The following PDE6C variants were observed in gnomAD, a reference collection of about 807,000 sequenced individuals.
The protein encoded by PDE6C is phosphodiesterase 6C, also known as cone cGMP-specific 3',5'-cyclic phosphodiesterase subunit alpha'.
In PDE6C, 75 loss-of-function variants were observed where a neutral mutation model predicts 113.1. That is an observed-to-expected ratio of 0.66 (90% CI 0.55 to 0.80). The LOEUF (loss-of-function observed/expected upper bound fraction) is 0.80. Ranked by LOEUF, PDE6C falls within the 30% of genes least tolerant of loss-of-function variation. The pLI is 0.00. For missense variants in PDE6C, 912 were observed against 1,038.6 expected, an observed-to-expected ratio of 0.88 and a Z score of 1.67; for synonymous variants, 375 against 363.7, an observed-to-expected ratio of 1.03 and a Z score of -0.35.
intron 4 of PDE6C, among the ~76,000 whole-genome samples, chr10:93,623,550 C>T (rs2058458709): frequency 6.6e-6 from 1 of 152,162 alleles, no homozygotes; most frequent in South Asian, 2.1e-4. Context: ...CCAAGTTCAC[C>T]TAGATCTTCT....
chr10:93,659,035 C>T (rs915447142), intron 17 of PDE6C, 27 bp downstream of exon 17: 1 of 1,576,762 alleles, frequency 6.3e-7, no homozygotes, highest in Non-Finnish European at 8.7e-7. Flanking sequence ...GTATTTCTCT[C>T]TTGTTTTTTG....
Position 93,612,750 on chromosome 10 carries a change from G to A in PDE6C, c.25G>A (p.Val9Met), listed in dbSNP as rs750739971. The change falls in exon 1 of 22, where the codon GTG becomes ATG. Residue 9 changes from valine (V) to methionine (M), a missense_variant. Val to Met is a conservative substitution (Grantham distance 21). Coordinates refer to ENST00000371447, the MANE Select transcript of PDE6C (RefSeq NM_006204.4). ...CATGGGTGAGATCAACCAAGTTGCC[G>A]TGGAGAAATACCTGGAGGAGAACCC... MGEINQVA[V>M]EKYLEENPQF... The A allele has an allele frequency of 1.9e-5, 31 of 1,613,954 alleles. No homozygotes were observed. The highest frequency in any genetic ancestry group is 1.5e-4 in the South Asian group (14 of 91,082).
chr10:93,639,934 C>T (rs956001690), intron 11 of PDE6C, 136 bp from the exon 12 acceptor site: 28 of 878,364 alleles, frequency 3.2e-5, no homozygotes, highest in Admixed American at 7.3e-5. Flanking sequence ...CATCCAGTGC[C>T]TGGCACATGG....
chr10:93,615,817 G>C (rs1437684590), intron 1 of PDE6C, among the ~76,000 whole-genome samples: 1 of 152,210 alleles, frequency 6.6e-6, no homozygotes, highest in African/African-American at 2.4e-5. Flanking sequence ...ATTAGAGATG[G>C]AAGGGGCTTA....
intron 10 of PDE6C, among the ~76,000 whole-genome samples, chr10:93,636,371 T>TGG (rs1362581611): frequency 3.6e-5 from 5 of 140,016 alleles, no homozygotes; most frequent in Non-Finnish European, 7.5e-5. Context: ...CCTGGCTTTG[T>TGG]GTGTGTGTGT....
At chr10:93,643,882 T>C (rs2058571107) in intron 14 of PDE6C, among the ~76,000 whole-genome samples, 3 of 152,162 alleles carry the variant, frequency 2.0e-5, no homozygotes. Flanking sequence ...TTAAAAATTT[T>C]CCAATTACCA....
rs754338950 is a variant in PDE6C, at chr10:93,612,688, C to T, written c.-38C>T. The T allele has an allele frequency of 1.6e-5, 25 of 1,612,294 alleles. No homozygotes were observed. The highest frequency in any genetic ancestry group is 4.5e-5 in the East Asian group (2 of 44,878). On this transcript the variant is annotated 5_prime_UTR_variant, in exon 1 of 22. Coordinates refer to ENST00000371447, the MANE Select transcript of PDE6C (RefSeq NM_006204.4). ...CTGCCTCAGGTAGTGCTCTGAAGGT[C>T]GTCCTTTCTGAACAAACGCAGCAAA...
chr10:93,655,675 T>C (rs911264319), intron 15 of PDE6C, 85 bp from the exon 16 acceptor site: 1 of 772,740 alleles, frequency 1.3e-6, no homozygotes, highest in Non-Finnish European at 2.3e-6. Flanking sequence ...TGAAAGACTT[T>C]TAGATTTTCT....
At chr10:93,654,804 TTCTTTC>T (rs1564804855) in intron 15 of PDE6C, among the ~76,000 whole-genome samples, 3 of 83,694 alleles carry the variant, frequency 3.6e-5, no homozygotes, top group Non-Finnish European at 5.2e-5. Flanking sequence ...CTTTCTTTCT[TTCTTTC>T]TTTTTTTTTT....
In PDE6C at chr10:93,665,616, A is replaced by AAAT; in HGVS notation, c.*200_*202dup. 1.7e-6 allele frequency: 1 copy of AAAT among 573,894 alleles called. No individual in the cohort carries two copies. The highest frequency in any genetic ancestry group is 3.1e-6 in the Non-Finnish European group (1 of 323,014). 35.6% of individuals were successfully genotyped at this position (573,894 alleles called of 1,614,324 possible). ...TCAACAAAAGTGCAAAATATGACAA[A>AAAT]AATAGGTACATTTTTGGTGCCAATT... is the stretch of plus-strand genomic sequence containing the variant. On this transcript the variant is annotated 3_prime_UTR_variant, in exon 22 of 22. Transcript: ENST00000371447.
At chr10:93,637,189 G>T in intron 11 of PDE6C, 126 bp downstream of exon 11, 1 of 658,886 alleles carries the variant, frequency 1.5e-6, no homozygotes. Context: ...TATTTCTCAA[G>T]GCTAAAAAGA....
chr10:93,651,532 G>A (rs2058609599), intron 15 of PDE6C, among the ~76,000 whole-genome samples: 1 of 152,176 alleles, frequency 6.6e-6, no homozygotes, highest in Non-Finnish European at 1.5e-5. Context: ...CATGAGAACA[G>A]CGTGGGAGAA....
At chr10:93,644,822 C>CTA (rs2058575762) in intron 14 of PDE6C, among the ~76,000 whole-genome samples, 1 of 140,806 alleles carries the variant, frequency 7.1e-6, no homozygotes, top group African/African-American at 2.6e-5. Context: ...GTATATAGTA[C>CTA]TATATATATA....
chr10:93,635,701 C>T, intron 10 of PDE6C, 61 bp downstream of exon 10: 5 of 1,530,958 alleles, frequency 3.3e-6, no homozygotes, highest in Non-Finnish European at 4.5e-6. Context: ...TTCTAGAAGT[C>T]ATCTAATTAC....
intron 11 of PDE6C, 116 bp from the exon 12 acceptor site, chr10:93,639,954 G>GAATC (rs2058551004): frequency 4.7e-6 from 5 of 1,058,668 alleles, no homozygotes; most frequent in African/African-American, 1.6e-5. Flanking sequence ...GTGGTTCAGT[G>GAATC]AATCACACAT....
intron 17 of PDE6C, 21 bp downstream of exon 17, chr10:93,659,029 TTCTC>T (rs762796270): frequency 6.4e-7 from 1 of 1,574,792 alleles, no homozygotes; most frequent in South Asian, 1.1e-5. Context: ...GAAATTGTAT[TTCTC>T]TCTTGTTTTT....
intron 14 of PDE6C, 93 bp downstream of exon 14, chr10:93,641,122 G>A: frequency 1.3e-6 from 1 of 768,648 alleles, no homozygotes; most frequent in Non-Finnish European, 2.3e-6. Flanking sequence ...CCTTGGCCCA[G>A]TCAATGCCTC....
intron 15 of PDE6C, among the ~76,000 whole-genome samples, chr10:93,648,850 G>T (rs1287093238): frequency 1.3e-5 from 2 of 152,196 alleles, no homozygotes; most frequent in Non-Finnish European, 2.9e-5. Context: ...TCTTTCCAAA[G>T]CGTATGATAA....
chr10:93,653,683 A>AAAAAC lies in PDE6C; in HGVS notation c.1936-2074_1936-2073insACAAA, dbSNP rs1564804396. On this transcript the variant is annotated intron_variant, in intron 15 of 21. Coordinates refer to ENST00000371447, the MANE Select transcript of PDE6C (RefSeq NM_006204.4). ...ACAAAAACAAAAACAAAAACAAAAA[A>AAAAAC]AAACATTGATTTTGATCCAGATAAT... Among the ~76,000 whole-genome samples the AAAAAC allele has an allele frequency of 4.1e-3, 607 of 147,506 alleles. 4 individuals are homozygous for AAAAAC. Among genetic ancestry groups the AAAAAC allele is most frequent in the African/African-American group, 0.015 (577 of 37,334 alleles).
Sources: allele counts gnomAD v4.1 joint callset (sites outside exome capture counted in the v4.1 genomes callset), GRCh38; gene constraint gnomAD v4.1.1; transcripts MANE v1.5; gene names NCBI Gene and HGNC (gene_info 2026-07-23, HGNC 2026-07-21).